Variants in CLCN3 observed in about 807,000 individuals in gnomAD.
CLCN3 encodes the protein H(+)/Cl(-) exchange transporter 3.
In CLCN3, 16 loss-of-function variants were observed where a neutral mutation model predicts 83.4. The observed-to-expected ratio is 0.19, with a 90% CI of 0.13 to 0.29. CLCN3 has a LOEUF of 0.29. Ranked by LOEUF, CLCN3 falls within the 10% of genes least tolerant of loss-of-function variation. CLCN3 has a pLI of 1.00. For synonymous variants in CLCN3, 322 were observed against 346.2 expected, an observed-to-expected ratio of 0.93 and a Z score of 0.78; for missense variants, 544 against 1,006.0, an observed-to-expected ratio of 0.54 and a Z score of 6.21.
At chr4:169,671,562 T>G (rs550770610) in intron 2 of CLCN3, among the ~76,000 whole-genome samples, 10 of 152,302 alleles carry the variant, frequency 6.6e-5, no homozygotes, top group African/African-American at 2.2e-4. Context: ...CATGTGCACC[T>G]ATGTAACAAA....
At chr4:169,656,752 G>A (rs1167374962) in intron 2 of CLCN3, among the ~76,000 whole-genome samples, 1 of 152,070 alleles carries the variant, frequency 6.6e-6, no homozygotes, top group Non-Finnish European at 1.5e-5. Context: ...CCTGGACAAC[G>A]TTGTAAGACC....
chr4:169,707,400 G>A, intron 11 of CLCN3, 134 bp downstream of exon 11: 1 of 577,054 alleles, frequency 1.7e-6, no homozygotes, highest in Non-Finnish European at 2.9e-6. Context: ...AAAATCTTCT[G>A]TTCTTTAGGA....
intron 2 of CLCN3, chr4:169,660,026 G>T: frequency 1.0e-6 from 1 of 994,382 alleles, no homozygotes; most frequent in Non-Finnish European, 1.2e-6. Context: ...TGATGCTACC[G>T]AAGCTGTATT....
chr4:169,679,698 G>A lies in CLCN3; in HGVS notation c.161-352G>A, dbSNP rs542083171. On this transcript the variant is annotated intron_variant, in intron 2 of 12. Transcript: ENST00000513761. ...GAGGTCAGGAGCTGGAGACCAGCCCGGCCAACACGGCAAAACCCCATCTCC... is the reference window on the plus strand; with the variant it reads ...GAGGTCAGGAGCTGGAGACCAGCCCAGCCAACACGGCAAAACCCCATCTCC... Among the ~76,000 whole-genome samples, 5 of 152,310 alleles carry A rather than the reference G, an allele frequency of 3.3e-5. No individual in the cohort carries two copies. The East Asian group carries it at 9.7e-4, about 29-fold the overall frequency.
chr4:169,671,415 G>A (rs1049838833), intron 2 of CLCN3, among the ~76,000 whole-genome samples: 12 of 152,124 alleles, frequency 7.9e-5, no homozygotes, highest in African/African-American at 2.9e-4. Context: ...CATGGACACA[G>A]GGAGGGGAAC....
In CLCN3 at chr4:169,708,873, G is replaced by A. The variant is rs899173999; in HGVS notation, c.2149+1607G>A. Among the ~76,000 whole-genome samples the A allele has an allele frequency of 4.0e-5, 6 of 151,288 alleles. No homozygotes were observed. In the East Asian group the frequency reaches 5.8e-4, roughly 15 times the overall value. ...CTAAGCACACCTTAAATGTTTTACC[G>A]TGTATGTTTTTGTAAAGTTTTAAAT... On this transcript the variant is annotated intron_variant, in intron 11 of 12. Transcript: ENST00000513761.
At chr4:169,655,250 A>G (rs1730847200) in intron 2 of CLCN3, among the ~76,000 whole-genome samples, 1 of 152,156 alleles carries the variant, frequency 6.6e-6, no homozygotes, top group South Asian at 2.1e-4. Context: ...TTCAAATCCA[A>G]TTAGGTAGCA....
intron 2 of CLCN3, among the ~76,000 whole-genome samples, chr4:169,668,782 C>G (rs921874823): frequency 1.3e-5 from 2 of 149,574 alleles, no homozygotes; most frequent in African/African-American, 4.9e-5. Context: ...TCAGGTCATA[C>G]TTTCTTATCA....
intron 2 of CLCN3, among the ~76,000 whole-genome samples, chr4:169,647,489 A>G (rs769096887): frequency 6.6e-6 from 1 of 152,164 alleles, no homozygotes; most frequent in Non-Finnish European, 1.5e-5. Flanking sequence ...TAGAAATACA[A>G]GATGTGGCCA....
chr4:169,667,150 A>C (rs1209521151), intron 2 of CLCN3, among the ~76,000 whole-genome samples: 9 of 152,250 alleles, frequency 5.9e-5, no homozygotes, highest in Non-Finnish European at 7.4e-5. Context: ...TCTAGGATCC[A>C]TTTTTAGCTA....
intron 11 of CLCN3, among the ~76,000 whole-genome samples, chr4:169,708,968 A>G (rs1733093619): frequency 1.3e-5 from 2 of 148,448 alleles, no homozygotes; most frequent in Non-Finnish European, 3.0e-5. Flanking sequence ...TTACATATAT[A>G]TGTTTATATA....
intron 2 of CLCN3, among the ~76,000 whole-genome samples, chr4:169,658,737 CCTA>C (rs1397285845): frequency 6.6e-6 from 1 of 151,876 alleles, no homozygotes; most frequent in Non-Finnish European, 1.5e-5. Flanking sequence ...AAAAAAATCA[CCTA>C]CTATCCTATC....
At chr4:169,708,548 GT>G (rs1733078715) in intron 11 of CLCN3, among the ~76,000 whole-genome samples, 1 of 152,086 alleles carries the variant, frequency 6.6e-6, no homozygotes, top group African/African-American at 2.4e-5. Context: ...GAATTTCATT[GT>G]TTAAGATTCC....
At position 169,720,526 on chromosome 4, in the gene CLCN3, T is replaced by TCTCTCTCTCTCTCTC; in HGVS notation, c.*529_*530insCTCTCTCTCTCTCTC. The stretch of plus-strand genomic sequence containing the variant: ...TTCTACATTCCAGAAGAGCCTTTAT[T>TCTCTCTCTCTCTCTC]TCTCTCTCTCTCTCTCTCTCTCTCT... On this transcript the variant is annotated 3_prime_UTR_variant, in exon 13 of 13. Coordinates refer to ENST00000513761, the MANE Select transcript of CLCN3 (RefSeq NM_001829.4). 1 of 146,784 alleles carries TCTCTCTCTCTCTCTC rather than the reference T, an allele frequency of 6.8e-6. No individual in the cohort carries two copies. The highest frequency in any genetic ancestry group is 1.5e-5 in the Non-Finnish European group (1 of 66,564). The allele number at this position is 146,784 out of a possible 1,614,324, so 9.1% of individuals were successfully genotyped here.
chr4:169,686,269 A>C (rs113228833), intron 3 of CLCN3, among the ~76,000 whole-genome samples: 1 of 151,864 alleles, frequency 6.6e-6, no homozygotes, highest in African/African-American at 2.4e-5. Flanking sequence ...ACATGTATAC[A>C]TATGTAACAA....
At chr4:169,694,847 AT>A (rs1438793503) in intron 7 of CLCN3, among the ~76,000 whole-genome samples, 1 of 152,202 alleles carries the variant, frequency 6.6e-6, no homozygotes, top group Non-Finnish European at 1.5e-5. Context: ...CTCAAAAAAA[AT>A]AAAGGAATAC....
chr4:169,654,309 T>C (rs1730820538), intron 2 of CLCN3, among the ~76,000 whole-genome samples: 2 of 152,218 alleles, frequency 1.3e-5, no homozygotes, highest in East Asian at 3.9e-4. Context: ...TCTTAATCTG[T>C]GTCACTGTAG....
intron 2 of CLCN3, among the ~76,000 whole-genome samples, chr4:169,674,262 G>A (rs72694790): frequency 0.044 from 6,753 of 152,130 alleles, 143 homozygotes; most frequent in Non-Finnish European, 0.052. Context: ...CTTAGTTTGG[G>A]TGTGTCTGGT....
In CLCN3 at chr4:169,620,776, A is replaced by G; in HGVS notation, c.-304A>G. ...AGTGAGATTGGAGATTTTTATTTTT[A>G]ATTTTGGGCAGAAGCAGGTTGACTC... On this transcript the variant is annotated 5_prime_UTR_variant, in exon 1 of 13. Coordinates refer to ENST00000513761, the MANE Select transcript of CLCN3 (RefSeq NM_001829.4). The G allele has an allele frequency of 2.5e-6, 1 of 398,568 alleles. No homozygotes were observed. The allele number at this position is 398,568 out of a possible 1,614,324, so 24.7% of individuals were successfully genotyped here.
Sources: allele counts gnomAD v4.1 joint callset (sites outside exome capture counted in the v4.1 genomes callset), GRCh38; gene constraint gnomAD v4.1.1; transcripts MANE v1.5; gene names NCBI Gene and HGNC (gene_info 2026-07-23, HGNC 2026-07-21).